ME3: variants seen among roughly 807,000 people sequenced by gnomAD.
The protein encoded by ME3 is NADP-dependent malic enzyme, mitochondrial.
In ME3, 48 loss-of-function variants were observed where a neutral mutation model predicts 68.9. The ratio of observed to expected loss-of-function variants is 0.70; its 90% CI spans 0.55 to 0.89. ME3 has a LOEUF of 0.89. ME3 is among the 40% of genes least tolerant of loss of function. The pLI is 0.00. For missense variants in ME3, 675 were observed against 797.4 expected (o/e 0.85, Z 1.85); for synonymous variants, 320 against 318.8 (o/e 1.00, Z -0.04).
Position 86,544,301 on chromosome 11 carries a change from G to C in ME3, c.467+12252C>G, listed in dbSNP as rs553011625. On this transcript the variant is annotated intron_variant, in intron 4 of 14. Coordinates refer to ENST00000543262, the Ensembl canonical transcript of ME3. ...CTAGCAGAAGACAAGAAATAACTAA[G>C]ATCAGAGCAGAACTGAAGGAGATAG... 2.6e-5 allele frequency among the ~76,000 whole-genome samples: 4 copies of C among 152,088 alleles called. No homozygotes were observed. The East Asian group carries it at 7.7e-4, about 29-fold the overall frequency.
exon 4 of ME3, chr11:86,556,654 G>A (rs537065386): frequency 1.2e-6 from 2 of 1,614,154 alleles, no homozygotes; most frequent in Admixed American, 1.7e-5. Context: ...TCAGCACTCG[G>A]TAGAAGAGCT....
In ME3 at chr11:86,493,313, G is replaced by A. The variant is rs376697173; in HGVS notation, c.705+4650C>T. Among the ~76,000 whole-genome samples, 100 of 152,278 alleles carry A rather than the reference G, an allele frequency of 6.6e-4. 1 individual carries two copies. In the South Asian group the frequency reaches 0.02, roughly 31 times the overall value. Reference sequence around the variant, plus strand: ...TTCTTCAGTTCCAGAAGAGCACACAGCATCTCCTTCTGAGTTGAATTCATA... The same window carrying A: ...TTCTTCAGTTCCAGAAGAGCACACAACATCTCCTTCTGAGTTGAATTCATA... On this transcript the variant is annotated intron_variant, in intron 6 of 14. Coordinates refer to ENST00000543262, the Ensembl canonical transcript of ME3.
At chr11:86,539,076 G>A (rs1955875008) in intron 4 of ME3, among the ~76,000 whole-genome samples, 1 of 152,182 alleles carries the variant, frequency 6.6e-6, no homozygotes. Context: ...CTCCCTCAAA[G>A]TGCGTGACCA....
At chr11:86,532,050 A>G (rs899567311) in intron 4 of ME3, among the ~76,000 whole-genome samples, 3 of 152,184 alleles carry the variant, frequency 2.0e-5, no homozygotes, top group Non-Finnish European at 4.4e-5. Flanking sequence ...ACGCAAATGT[A>G]AACCAAAGAA....
chr11:86,596,491 G>A (rs1266891491), intron 2 of ME3, among the ~76,000 whole-genome samples: 4 of 152,096 alleles, frequency 2.6e-5, no homozygotes, highest in African/African-American at 9.7e-5. Context: ...CAGGAGTACT[G>A]GATACTCCTA....
chr11:86,455,770 T>TCCC (rs1267294683), intron 8 of ME3, among the ~76,000 whole-genome samples: 3 of 152,214 alleles, frequency 2.0e-5, no homozygotes, highest in Non-Finnish European at 4.4e-5. Context: ...TATCTACTTT[T>TCCC]TTATCTAACC....
intron 4 of ME3, among the ~76,000 whole-genome samples, chr11:86,540,856 C>A (rs561407276): frequency 1.3e-5 from 2 of 152,098 alleles, no homozygotes; most frequent in African/African-American, 4.8e-5. Context: ...GCAAGATGGC[C>A]GAATAGGAAC....
intron 8 of ME3, among the ~76,000 whole-genome samples, chr11:86,452,910 A>G (rs1949710903): frequency 6.6e-6 from 1 of 152,200 alleles, no homozygotes; most frequent in Non-Finnish European, 1.5e-5. Flanking sequence ...GTCTATCCCC[A>G]TGTTGGAGAA....
intron 10 of ME3, among the ~76,000 whole-genome samples, 182 bp from the exon 11 acceptor site, chr11:86,448,437 G>A (rs1033671304): frequency 3.9e-5 from 6 of 152,214 alleles, no homozygotes; most frequent in East Asian, 3.8e-4. Flanking sequence ...TGGGACATAA[G>A]TGTGAGAGTG....
intron 9 of ME3, 140 bp downstream of exon 9, chr11:86,450,161 C>A: frequency 4.1e-6 from 4 of 986,780 alleles, no homozygotes; most frequent in Non-Finnish European, 6.2e-6. Context: ...ATTGTCAGAG[C>A]CTAGGCAGCT....
intron 2 of ME3, among the ~76,000 whole-genome samples, chr11:86,670,549 C>T (rs531407643): frequency 1.3e-5 from 2 of 152,170 alleles, no homozygotes; most frequent in South Asian, 2.1e-4. Flanking sequence ...AAAGTGGTAG[C>T]GTCCAAACAA....
chr11:86,598,240 G>A (rs900954255), intron 2 of ME3, among the ~76,000 whole-genome samples: 3 of 152,182 alleles, frequency 2.0e-5, no homozygotes, highest in Non-Finnish European at 4.4e-5. Context: ...CGGGCCATTC[G>A]CACCCGAATA....
chr11:86,468,817 A>C (rs1313138368), intron 7 of ME3, among the ~76,000 whole-genome samples: 1 of 152,216 alleles, frequency 6.6e-6, no homozygotes, highest in African/African-American at 2.4e-5. Context: ...GCTTTTATCT[A>C]GTGTTTATTA....
At position 86,567,247 on chromosome 11, in the gene ME3, G is replaced by GGAAGA. The variant is rs1565150085; in HGVS notation, c.184-7425_184-7424insTCTTC. On this transcript the variant is annotated intron_variant, in intron 2 of 14. Coordinates refer to ENST00000543262, the Ensembl canonical transcript of ME3. ...AAAGAAAGAAAGAAAAGAAAGAAAG[G>GGAAGA]AAGGAAGGAAGGAAGGAAGGAAGGA... Among the ~76,000 whole-genome samples the GGAAGA allele has an allele frequency of 8.8e-3, 287 of 32,788 alleles. 1 individual carries two copies. The highest frequency in any genetic ancestry group is 0.031 in the Middle Eastern group (1 of 32). The allele number at this position is 32,788 out of a possible 152,430, so 21.5% of individuals were successfully genotyped here.
intron 2 of ME3, among the ~76,000 whole-genome samples, chr11:86,650,102 A>T (rs945659934): frequency 1.3e-4 from 20 of 152,222 alleles, no homozygotes; most frequent in African/African-American, 4.3e-4. Context: ...ACTGGTACCA[A>T]AACAGATATA....
chr11:86,468,892 G>A (rs943748598), intron 7 of ME3, among the ~76,000 whole-genome samples: 1 of 152,106 alleles, frequency 6.6e-6, no homozygotes, highest in Non-Finnish European at 1.5e-5. Flanking sequence ...ATCACCTTAT[G>A]ATGTAGGCGC....
chr11:86,584,386 C>T (rs1958617392), intron 2 of ME3, among the ~76,000 whole-genome samples: 1 of 152,094 alleles, frequency 6.6e-6, no homozygotes, highest in Non-Finnish European at 1.5e-5. Context: ...AATGGTGTAA[C>T]CACCATGGAA....
At chr11:86,458,161 C>A (rs1353126570) in intron 8 of ME3, among the ~76,000 whole-genome samples, 1 of 152,230 alleles carries the variant, frequency 6.6e-6, no homozygotes, top group African/African-American at 2.4e-5. Flanking sequence ...TACTGCCATT[C>A]ATTTATTCAT....
intron 4 of ME3, among the ~76,000 whole-genome samples, chr11:86,541,308 G>C (rs1381944420): frequency 1.3e-5 from 2 of 152,052 alleles, no homozygotes; most frequent in East Asian, 3.9e-4. Context: ...CCGTTCACTT[G>C]CCTGGAAAGG....
Sources: gnomAD v4.1 joint callset for allele counts (sites outside exome capture counted in the v4.1 genomes callset) on GRCh38, gnomAD v4.1.1 for gene constraint, MANE v1.5 for transcripts, NCBI Gene and HGNC (gene_info 2026-07-23, HGNC 2026-07-21) for gene names.